The following SLC25A13 variants were observed in gnomAD, a reference collection of about 807,000 sequenced individuals.
The protein encoded by SLC25A13 is solute carrier family 25 member 13, also known as electrogenic aspartate/glutamate antiporter SLC25A13, mitochondrial.
In SLC25A13, 70 loss-of-function variants were observed where a neutral mutation model predicts 85.5. The ratio of observed to expected loss-of-function variants is 0.82; its 90% CI spans 0.68 to 1.00. The LOEUF is 1.00. Among genes scored for constraint, SLC25A13 ranks in the 50% least tolerant of loss-of-function variants. SLC25A13 has a pLI of 0.00. For missense variants in SLC25A13, 765 were observed against 819.8 expected, an observed-to-expected ratio of 0.93 and a Z score of 0.82; for synonymous variants, 259 against 288.7, an observed-to-expected ratio of 0.90 and a Z score of 1.04.
intron 11 of SLC25A13, among the ~76,000 whole-genome samples, chr7:96,176,985 G>A (rs751261249): frequency 1.2e-4 from 19 of 152,030 alleles, no homozygotes; most frequent in Non-Finnish European, 2.4e-4. Context: ...GCAAAACAAG[G>A]GTGCTACTTA....
chr7:96,282,879 A>C (rs1352592562), intron 2 of SLC25A13, among the ~76,000 whole-genome samples: 3 of 152,210 alleles, frequency 2.0e-5, no homozygotes, highest in Non-Finnish European at 4.4e-5. Context: ...TTATTTAAAA[A>C]TGAAAATTTT....
intron 1 of SLC25A13, 141 bp downstream of exon 1, chr7:96,321,801 C>G (rs1800356668): frequency 8.9e-7 from 1 of 1,118,104 alleles, no homozygotes; most frequent in African/African-American, 1.7e-5. Context: ...CTCCCTCCAG[C>G]AGCCGCAAGG....
intron 13 of SLC25A13, among the ~76,000 whole-genome samples, chr7:96,163,450 C>T (rs903581569): frequency 2.0e-5 from 3 of 152,274 alleles, no homozygotes; most frequent in South Asian, 2.1e-4. Flanking sequence ...ATATAAGGAT[C>T]CCAAGTACAA....
intron 3 of SLC25A13, among the ~76,000 whole-genome samples, chr7:96,273,976 A>G (rs1283101559): frequency 6.6e-6 from 1 of 152,114 alleles, no homozygotes; most frequent in Non-Finnish European, 1.5e-5. Flanking sequence ...TTCCTGCACC[A>G]CCCTGCTCAT....
chr7:96,202,209 A>T (rs1011134575), intron 5 of SLC25A13, among the ~76,000 whole-genome samples: 1 of 152,186 alleles, frequency 6.6e-6, no homozygotes, highest in Admixed American at 6.5e-5. Flanking sequence ...TCTGAGGACA[A>T]GGATCCTTAC....
intron 3 of SLC25A13, among the ~76,000 whole-genome samples, chr7:96,259,483 A>T (rs1170575209): frequency 6.6e-6 from 1 of 152,224 alleles, no homozygotes; most frequent in Non-Finnish European, 1.5e-5. Context: ...TCATTAGAGA[A>T]ATGGAAATCA....
intron 5 of SLC25A13, among the ~76,000 whole-genome samples, chr7:96,195,610 C>T (rs1444329742): frequency 1.3e-5 from 2 of 152,172 alleles, no homozygotes; most frequent in South Asian, 2.1e-4. Context: ...TCATACAGAC[C>T]CGTCTCTGAA....
chr7:96,305,972 C>A (rs147658412), intron 1 of SLC25A13, among the ~76,000 whole-genome samples: 16 of 152,298 alleles, frequency 1.1e-4, no homozygotes, highest in African/African-American at 3.6e-4. Flanking sequence ...CTTGAGTGAG[C>A]CCTCCTGGGC....
At chr7:96,229,155 T>C (rs932546736) in intron 4 of SLC25A13, among the ~76,000 whole-genome samples, 2 of 152,174 alleles carry the variant, frequency 1.3e-5, no homozygotes, top group Non-Finnish European at 2.9e-5. Context: ...ATCTACTAGG[T>C]GAAGCCAGCT....
intron 14 of SLC25A13, among the ~76,000 whole-genome samples, chr7:96,134,812 T>TATATATATATATATATATATAA (rs1554337568): frequency 4.1e-5 from 6 of 146,280 alleles, no homozygotes; most frequent in African/African-American, 1.5e-4. Context: ...TATATATATA[T>TATATATATATATATATATATAA]AACCCTGAGG....
chr7:96,149,607 C>A (rs1792945186), intron 13 of SLC25A13, among the ~76,000 whole-genome samples: 1 of 152,094 alleles, frequency 6.6e-6, no homozygotes, highest in Non-Finnish European at 1.5e-5. Flanking sequence ...TCTGTGGTGG[C>A]CTCTGAAAGA....
chr7:96,126,172 T>C (rs1791718953), intron 15 of SLC25A13, among the ~76,000 whole-genome samples: 1 of 152,212 alleles, frequency 6.6e-6, no homozygotes, highest in African/African-American at 2.4e-5. Context: ...TGGGAGGGTC[T>C]ATGGGCTTTG....
chr7:96,137,468 A>G lies in SLC25A13; in HGVS notation c.1453-5587T>C, dbSNP rs186717537. On this transcript the variant is annotated intron_variant, in intron 14 of 17. Coordinates refer to ENST00000265631, the MANE Select transcript of SLC25A13 (RefSeq NM_014251.3). Reference sequence around the variant, plus strand: ...CTGCTTGGGTCAGTGCTAGTTCTCTATTGTTCTAGTATTGTACACTGCTTT... The same window carrying G: ...CTGCTTGGGTCAGTGCTAGTTCTCTGTTGTTCTAGTATTGTACACTGCTTT... Among the ~76,000 whole-genome samples, 113 of 152,214 alleles carry G rather than the reference A, an allele frequency of 7.4e-4. No homozygotes were observed. The East Asian group carries it at 0.013, about 17-fold the overall frequency.
chr7:96,230,112 GATAA>G (rs1247037521), intron 4 of SLC25A13, among the ~76,000 whole-genome samples: 6 of 152,156 alleles, frequency 3.9e-5, no homozygotes, highest in East Asian at 3.8e-4. Context: ...CAATAGAATG[GATAA>G]ATAAATTAGG....
At chr7:96,189,725 A>G (rs774042625) in intron 7 of SLC25A13, 51 bp from the exon 8 acceptor site, 1 of 1,452,554 alleles carries the variant, frequency 6.9e-7, no homozygotes, top group Non-Finnish European at 9.7e-7. Context: ...AATAGCCACT[A>G]AATTCAGCAT....
rs559059933 is a variant in SLC25A13 at position 96,212,913 on chromosome 7, G to A, written c.329-3936C>T. Among the ~76,000 whole-genome samples the A allele has an allele frequency of 1.4e-3, 219 of 152,280 alleles. 1 individual carries two copies. The highest frequency in any genetic ancestry group is 1.9e-3 in the Non-Finnish European group (128 of 68,020). ...TTTTACTCTCTTGACCTACCTAGCA[G>A]GATTATGTACTCAAATATCATAAGA... is the stretch of plus-strand genomic sequence containing the variant. On this transcript the variant is annotated intron_variant, in intron 4 of 17. Transcript: ENST00000265631.
At chr7:96,206,599 G>C (rs1795470757) in intron 5 of SLC25A13, among the ~76,000 whole-genome samples, 1 of 152,156 alleles carries the variant, frequency 6.6e-6, no homozygotes. Context: ...GCAAGGCCCT[G>C]ACTGAGATCA....
At chr7:96,296,828 T>C in intron 2 of SLC25A13, 70 bp downstream of exon 2, 1 of 1,447,180 alleles carries the variant, frequency 6.9e-7, no homozygotes, top group East Asian at 2.3e-5. Context: ...AAAGAGCTGT[T>C]TGAAAATAAT....
chr7:96,301,095 G>A (rs1419415325), intron 1 of SLC25A13, among the ~76,000 whole-genome samples: 1 of 152,198 alleles, frequency 6.6e-6, no homozygotes. Context: ...AGTTCTATGA[G>A]CTGGAAAAAG....
Sources: allele counts gnomAD v4.1 joint callset (sites outside exome capture counted in the v4.1 genomes callset), GRCh38; gene constraint gnomAD v4.1.1; transcripts MANE v1.5; gene names NCBI Gene and HGNC (gene_info 2026-07-23, HGNC 2026-07-21).